The following CADM1 variants were observed in gnomAD, a reference collection of about 807,000 sequenced individuals.
The protein encoded by CADM1 is TSLC-1.
CADM1 carries 15 observed loss-of-function variants against 53.1 expected under a neutral mutation model. That is an observed-to-expected ratio of 0.28 (90% CI 0.19 to 0.44). The LOEUF (loss-of-function observed/expected upper bound fraction) is 0.44, where lower values mean the gene tolerates loss of function less well. Among genes scored for constraint, CADM1 ranks in the 20% least tolerant of loss-of-function variants. The probability of loss-of-function intolerance (pLI) is 1.00; values close to 1 mark genes in which losing one functional copy is unlikely to be tolerated. For missense variants in CADM1, 434 were observed against 611.3 expected (o/e 0.71, Z 3.06); for synonymous variants, 281 against 243.0 (o/e 1.16, Z -1.45).
At position 115,231,455 on chromosome 11, in the gene CADM1, C is replaced by A. The variant is rs180710897; in HGVS notation, c.460G>T (p.Asp154Tyr). 6.2e-7 allele frequency: 1 copy of A among 1,614,112 alleles called. No homozygotes were observed. Among genetic ancestry groups the A allele is most frequent in the Admixed American group, 1.7e-5 (1 of 60,032 alleles). The change falls in exon 4 of 12, where the codon GAC (aspartate) becomes TAC (tyrosine). Residue 154 changes from aspartate to tyrosine, a missense_variant. Asp to Tyr is a radical substitution (Grantham distance 160). This residue lies in a region of CADM1 where 311 missense variants were observed against 435.1 expected (regional missense o/e 0.71). Coordinates refer to ENST00000331581, the MANE Select transcript of CADM1 (RefSeq NM_001301043.2). ...PRNLMIDIQK[D>Y]TAVEGEEIEV... is the part of the protein sequence containing the mutation. ...ATCTCCTCACCTTCCACCGCAGTGT[C>A]TTTCTGGATATCGATCATCAGATTA...
At chr11:115,292,105 G>A (rs1943921283) in intron 1 of CADM1, among the ~76,000 whole-genome samples, 1 of 152,158 alleles carries the variant, frequency 6.6e-6, no homozygotes, top group Non-Finnish European at 1.5e-5. Context: ...ACAGCTGGAG[G>A]GGTCATCCAC....
chr11:115,315,747 A>G (rs1234351846), intron 1 of CADM1, among the ~76,000 whole-genome samples: 1 of 152,140 alleles, frequency 6.6e-6, no homozygotes, highest in Non-Finnish European at 1.5e-5. Flanking sequence ...TCTAAATACT[A>G]TAGCGTGTCA....
At chr11:115,405,466 A>G (rs1947289725) in intron 1 of CADM1, among the ~76,000 whole-genome samples, 1 of 152,206 alleles carries the variant, frequency 6.6e-6, no homozygotes. Flanking sequence ...TCCAGGTGTT[A>G]CCCTAGAGAA....
chr11:115,274,401 G>A (rs978604631), intron 1 of CADM1, among the ~76,000 whole-genome samples: 2 of 152,198 alleles, frequency 1.3e-5, no homozygotes, highest in Non-Finnish European at 2.9e-5. Flanking sequence ...GGTAGTTATC[G>A]CCCAGGGAGA....
intron 1 of CADM1, among the ~76,000 whole-genome samples, chr11:115,501,455 G>T (rs1333347847): frequency 1.3e-5 from 2 of 152,090 alleles, no homozygotes; most frequent in Admixed American, 1.3e-4. Context: ...TGATAAGAGG[G>T]GGGTGATCAG....
At position 115,169,899 on chromosome 11, in the gene CADM1, T is replaced by G. The variant is rs757774271; in HGVS notation, c.*6575A>C. 5 of 253,594 alleles carry G rather than the reference T, an allele frequency of 2.0e-5. No homozygotes were observed. The highest frequency in any genetic ancestry group is 2.4e-5 in the Non-Finnish European group (3 of 126,512). The allele number at this position is 253,594 out of a possible 1,614,324, so 15.7% of individuals were successfully genotyped here. A position where few individuals can be genotyped will look rare whatever the true frequency, so the allele number is the denominator to read the frequency against. The stretch of plus-strand genomic sequence containing the variant: ...TCAATATTCAGCAACCATTAAGGGA[T>G]TTAAATATTTGCTTGCTATTAAAGG... On this transcript the variant is annotated 3_prime_UTR_variant, in exon 12 of 12. Coordinates refer to ENST00000331581, the MANE Select transcript of CADM1 (RefSeq NM_001301043.2).
At chr11:115,415,193 C>T (rs560831515) in intron 1 of CADM1, among the ~76,000 whole-genome samples, 1 of 152,270 alleles carries the variant, frequency 6.6e-6, no homozygotes, top group South Asian at 2.1e-4. Flanking sequence ...TATTCCCTAC[C>T]TCATAGTACT....
intron 1 of CADM1, among the ~76,000 whole-genome samples, chr11:115,308,820 ATCCC>A (rs1944458984): frequency 9.9e-6 from 1 of 100,740 alleles, no homozygotes; most frequent in African/African-American, 3.9e-5. Flanking sequence ...CCTTCCTTCC[ATCCC>A]TCCCTTTCCT....
chr11:115,482,559 C>A (rs1046162179), intron 1 of CADM1, among the ~76,000 whole-genome samples: 2 of 152,136 alleles, frequency 1.3e-5, no homozygotes, highest in Non-Finnish European at 2.9e-5. Context: ...TCACTGTAGC[C>A]CAGAGCCTTC....
chr11:115,491,185 G>A (rs1391904362), intron 1 of CADM1, among the ~76,000 whole-genome samples: 1 of 152,098 alleles, frequency 6.6e-6, no homozygotes, highest in Non-Finnish European at 1.5e-5. Flanking sequence ...CAGAAGCAAG[G>A]TAAGGCATGG....
chr11:115,229,228 G>A lies in CADM1; in HGVS notation c.606C>T (p.Thr202=), dbSNP rs1282211130. The A allele has an allele frequency of 6.2e-7, 1 of 1,613,998 alleles. No homozygotes were observed. The change falls in exon 5 of 12, where the codon ACC becomes ACT. Residue 202 remains threonine, a synonymous_variant. Coordinates refer to ENST00000331581, the MANE Select transcript of CADM1 (RefSeq NM_001301043.2). ...TGTGCACCTTCAGCATCAGCTGACT[G>A]GTCACAGTGTACATGTCTGACCACT... is the stretch of plus-strand genomic sequence containing the variant. ...VEEWSDMYTV[T]SQLMLKVHKE...
intron 1 of CADM1, chr11:115,287,329 G>C (rs560824915): frequency 6.6e-6 from 1 of 152,206 alleles, no homozygotes; most frequent in African/African-American, 2.4e-5. Flanking sequence ...AGGTATGATG[G>C]ACGGAAGAAA....
At position 115,174,769 on chromosome 11, in the gene CADM1, C is replaced by A. The variant is rs1186041291; in HGVS notation, c.*1705G>T. On this transcript the variant is annotated 3_prime_UTR_variant, in exon 12 of 12. Transcript: ENST00000331581. The stretch of plus-strand genomic sequence containing the variant: ...TATTTATATATATATATAGATCTAT[C>A]TTTTTTGATGCCATCTTTCCATAGG... The A allele has an allele frequency of 3.3e-6, 3 of 904,564 alleles. No individual in the cohort carries two copies. The highest frequency in any genetic ancestry group is 2.6e-6 in the Non-Finnish European group (2 of 756,664). 56.0% of individuals were successfully genotyped at this position (904,564 alleles called of 1,614,324 possible). A position where few individuals can be genotyped will look rare whatever the true frequency, so the allele number is the denominator to read the frequency against.
At chr11:115,400,601 TATATA>T (rs1363537632) in intron 1 of CADM1, among the ~76,000 whole-genome samples, 23 of 142,462 alleles carry the variant, frequency 1.6e-4, no homozygotes, top group South Asian at 4.4e-4. Flanking sequence ...ATCTCTCATA[TATATA>T]ATATATATCT....
chr11:115,318,911 G>A (rs537006279), intron 1 of CADM1, among the ~76,000 whole-genome samples: 1 of 152,236 alleles, frequency 6.6e-6, no homozygotes, highest in Admixed American at 6.5e-5. Flanking sequence ...TAAGGAAGTA[G>A]CAAGAATAAT....
intron 1 of CADM1, among the ~76,000 whole-genome samples, chr11:115,255,624 T>A (rs977146448): frequency 6.6e-6 from 1 of 152,220 alleles, no homozygotes; most frequent in Non-Finnish European, 1.5e-5. Flanking sequence ...CTAGATAACT[T>A]GTTTTGAGGA....
At chr11:115,431,964 G>C (rs1451954588) in intron 1 of CADM1, among the ~76,000 whole-genome samples, 1 of 151,066 alleles carries the variant, frequency 6.6e-6, no homozygotes, top group African/African-American at 2.4e-5. Context: ...ACCATATTTT[G>C]AGACAGATTC....
intron 11 of CADM1, among the ~76,000 whole-genome samples, chr11:115,178,416 C>T (rs1312840524): frequency 1.3e-5 from 2 of 151,806 alleles, no homozygotes. Flanking sequence ...AGAGAAAATC[C>T]AAATCAAGGA....
In CADM1 at chr11:115,383,953, GA is replaced by G. The variant is rs111689438; in HGVS notation, c.124+120317del. ...CCTAAGGTTTCCCTAAGAGCTCCTGGAAAAAAAAAAAAATTGCAACTGATCT... is the reference window on the plus strand; with the variant it reads ...CCTAAGGTTTCCCTAAGAGCTCCTGGAAAAAAAAAAAATTGCAACTGATCT... On this transcript the variant is annotated intron_variant, in intron 1 of 11. Transcript: ENST00000331581. Among the ~76,000 whole-genome samples, 1,146 of 141,638 alleles carry G rather than the reference GA, an allele frequency of 8.1e-3. 8 individuals carry two copies. Among genetic ancestry groups the G allele is most frequent in the African/African-American group, 0.024 (947 of 38,864 alleles). The allele number at this position is 141,638 out of a possible 152,430, so 92.9% of individuals were successfully genotyped here. A position where few individuals can be genotyped will look rare whatever the true frequency, so the allele number is the denominator to read the frequency against.
Sources: allele counts gnomAD v4.1 joint callset (sites outside exome capture counted in the v4.1 genomes callset), GRCh38; gene constraint gnomAD v4.1.1; regional missense constraint gnomAD v4.1.1; transcripts MANE v1.5; gene names NCBI Gene and HGNC (gene_info 2026-07-23, HGNC 2026-07-21).